The following CADM2 variants were observed in gnomAD, a reference collection of about 807,000 sequenced individuals.
CADM2 encodes immunoglobulin superfamily member 4D.
CADM2 carries 12 observed loss-of-function variants against 49.8 expected under a neutral mutation model. The ratio of observed to expected loss-of-function variants is 0.24; its 90% CI spans 0.15 to 0.39. The LOEUF (loss-of-function observed/expected upper bound fraction) is 0.39, where lower values mean the gene tolerates loss of function less well. CADM2 is among the 10% of genes least tolerant of loss of function. CADM2 has a pLI of 1.00. For missense variants in CADM2, 378 were observed against 492.3 expected (o/e 0.77, Z 2.20); for synonymous variants, 214 against 175.4 (o/e 1.22, Z -1.74).
intron 1 of CADM2, among the ~76,000 whole-genome samples, chr3:85,672,591 CT>C (rs1203483230): frequency 1.3e-5 from 2 of 152,040 alleles, no homozygotes. Context: ...GATCAATACT[CT>C]TTTGGAAGAG....
intron 3 of CADM2, among the ~76,000 whole-genome samples, chr3:85,806,749 A>C (rs962193500): frequency 6.6e-6 from 1 of 150,756 alleles, no homozygotes; most frequent in African/African-American, 2.5e-5. Context: ...ACAAAACAAA[A>C]CAAAACAAAC....
intron 1 of CADM2, among the ~76,000 whole-genome samples, chr3:85,244,070 A>G (rs2042593292): frequency 6.6e-6 from 1 of 152,068 alleles, no homozygotes; most frequent in Non-Finnish European, 1.5e-5. Context: ...TACACTTGAG[A>G]TAGGAATCTC....
At chr3:86,026,448 G>C (rs1733916590) in intron 8 of CADM2, among the ~76,000 whole-genome samples, 1 of 151,958 alleles carries the variant, frequency 6.6e-6, no homozygotes, top group South Asian at 2.1e-4. Context: ...ATTTTTTGTA[G>C]CATTGGTAGA....
intron 1 of CADM2, among the ~76,000 whole-genome samples, chr3:84,988,729 G>A (rs116275905): frequency 0.035 from 5,347 of 152,062 alleles, 129 homozygotes; most frequent in Non-Finnish European, 0.052. Context: ...TATTCAGCAT[G>A]TTAGTATGCT....
intron 1 of CADM2, among the ~76,000 whole-genome samples, chr3:85,080,564 A>G (rs2037125072): frequency 6.6e-6 from 1 of 152,080 alleles, no homozygotes; most frequent in African/African-American, 2.4e-5. Flanking sequence ...TCTTAATCTA[A>G]TAGTACCTCA....
At chr3:85,867,263 GAC>G (rs1396652608) in intron 3 of CADM2, among the ~76,000 whole-genome samples, 2 of 152,002 alleles carry the variant, frequency 1.3e-5, no homozygotes, top group African/African-American at 2.4e-5. Context: ...CAACAAGACT[GAC>G]AGTTTTGTGT....
intron 3 of CADM2, among the ~76,000 whole-genome samples, chr3:85,864,206 T>C (rs559374603): frequency 2.6e-5 from 4 of 152,358 alleles, no homozygotes; most frequent in Non-Finnish European, 5.9e-5. Context: ...AAGATAGTTA[T>C]AAGCTTTTCC....
chr3:85,727,941 C>T (rs749309674), intron 2 of CADM2, among the ~76,000 whole-genome samples: 1 of 151,996 alleles, frequency 6.6e-6, no homozygotes, highest in Non-Finnish European at 1.5e-5. Context: ...TTGAATGAAA[C>T]CTGGTACTTT....
At chr3:85,826,157 A>T (rs1340868720) in intron 3 of CADM2, among the ~76,000 whole-genome samples, 1 of 152,036 alleles carries the variant, frequency 6.6e-6, no homozygotes, top group African/African-American at 2.4e-5. Context: ...CAACTTTATC[A>T]TTCTGATATG....
chr3:85,641,201 TA>T (rs200861166), intron 1 of CADM2, among the ~76,000 whole-genome samples: 16 of 151,382 alleles, frequency 1.1e-4, no homozygotes, highest in African/African-American at 2.2e-4. Flanking sequence ...TTTTCTTAGC[TA>T]AAAAAAAACT....
intron 1 of CADM2, among the ~76,000 whole-genome samples, chr3:85,290,095 G>A (rs1051885919): frequency 3.3e-5 from 5 of 152,236 alleles, no homozygotes; most frequent in South Asian, 2.1e-4. Context: ...CACCGTGGGC[G>A]ATCCGAAGCA....
rs1039220274 is a variant in CADM2, at chr3:84,959,056, C to A, written c.-552C>A. 1.5e-5 allele frequency: 3 copies of A among 201,142 alleles called. No individual in the cohort carries two copies. The highest frequency in any genetic ancestry group is 3.0e-5 in the Non-Finnish European group (3 of 100,824). The allele number at this position is 201,142 out of a possible 1,614,324, so 12.5% of individuals were successfully genotyped here. On this transcript the variant is annotated 5_prime_UTR_variant, in exon 1 of 10. Transcript: ENST00000383699. ...CCGCTGCAGCCGGAGCATCCGGGAGCCGCCACTGCCGCCGCCGCTGCCGCT... is the reference window on the plus strand; with the variant it reads ...CCGCTGCAGCCGGAGCATCCGGGAGACGCCACTGCCGCCGCCGCTGCCGCT...
intron 1 of CADM2, among the ~76,000 whole-genome samples, chr3:85,196,716 A>T (rs2041352954): frequency 2.6e-5 from 4 of 151,986 alleles, no homozygotes; most frequent in Admixed American, 2.6e-4. Context: ...AAGAAATTGC[A>T]TCTGGGAAAA....
intron 3 of CADM2, among the ~76,000 whole-genome samples, chr3:85,824,357 G>T (rs982428821): frequency 6.6e-6 from 1 of 152,082 alleles, no homozygotes; most frequent in African/African-American, 2.4e-5. Flanking sequence ...AGCTTAAAAT[G>T]GAAAACTTAG....
chr3:85,823,187 G>A (rs2073698821), intron 3 of CADM2, among the ~76,000 whole-genome samples: 1 of 152,008 alleles, frequency 6.6e-6, no homozygotes, highest in Non-Finnish European at 1.5e-5. Flanking sequence ...ATGCAGTATA[G>A]GTGCTATAAT....
chr3:85,071,273 C>T (rs972648546), intron 1 of CADM2, among the ~76,000 whole-genome samples: 1 of 151,768 alleles, frequency 6.6e-6, no homozygotes, highest in Admixed American at 6.6e-5. Flanking sequence ...GGAAGGAAGA[C>T]AGAGAAAGAT....
At chr3:85,722,227 G>A (rs1216883082) in intron 1 of CADM2, among the ~76,000 whole-genome samples, 1 of 150,612 alleles carries the variant, frequency 6.6e-6, no homozygotes, top group African/African-American at 2.4e-5. Context: ...GGTTATCCTG[G>A]TGTCTGCTAC....
At chr3:85,785,112 T>C (rs538013373) in intron 2 of CADM2, among the ~76,000 whole-genome samples, 1 of 152,310 alleles carries the variant, frequency 6.6e-6, no homozygotes, top group South Asian at 2.1e-4. Flanking sequence ...TGAATTTCTG[T>C]AGTATTAGTT....
chr3:85,266,104 C>A (rs2043116370), intron 1 of CADM2, among the ~76,000 whole-genome samples: 1 of 151,858 alleles, frequency 6.6e-6, no homozygotes, highest in Non-Finnish European at 1.5e-5. Context: ...CTCGATTCTT[C>A]ATCACGCTAT....
Sources: allele counts gnomAD v4.1 joint callset (sites outside exome capture counted in the v4.1 genomes callset), GRCh38; gene constraint gnomAD v4.1.1; transcripts MANE v1.5; gene names NCBI Gene and HGNC (gene_info 2026-07-23, HGNC 2026-07-21).